The following FLI1 variants were observed in gnomAD, a reference collection of about 807,000 sequenced individuals.
FLI1 encodes Friend leukemia integration 1 transcription factor.
A neutral mutation model predicts 53.1 loss-of-function variants in FLI1; 13 were observed. The ratio of observed to expected loss-of-function variants is 0.24; its 90% confidence interval spans 0.16 to 0.39. The LOEUF (loss-of-function observed/expected upper bound fraction) is 0.39, where lower values mean the gene tolerates loss of function less well. Ranked by LOEUF, FLI1 falls within the 10% of genes least tolerant of loss-of-function variation. The pLI, the probability that FLI1 is intolerant of heterozygous loss-of-function variation, is 1.00. For missense variants in FLI1, 424 were observed against 600.5 expected (o/e 0.71, Z 3.07); for synonymous variants, 244 against 236.7 (o/e 1.03, Z -0.28).
At chr11:128,794,798 A>G (rs1197700587) in intron 5 of FLI1, among the ~76,000 whole-genome samples, 1 of 152,176 alleles carries the variant, frequency 6.6e-6, no homozygotes, top group African/African-American at 2.4e-5. Flanking sequence ...AACATGGGTC[A>G]GGTGTGGTGG....
intron 1 of FLI1, among the ~76,000 whole-genome samples, chr11:128,712,028 G>A (rs756178521): frequency 5.9e-5 from 9 of 152,260 alleles, no homozygotes; most frequent in African/African-American, 2.4e-5. Flanking sequence ...CAGTTTGGTC[G>A]TTTGTCCTCT....
rs1942944780 is a variant in FLI1, at chr11:128,811,841, A to C, written c.*853A>C. 1 of 199,804 alleles carries C rather than the reference A, an allele frequency of 5.0e-6. No individual in the cohort carries two copies. Among genetic ancestry groups the C allele is most frequent in the African/African-American group, 2.3e-5 (1 of 43,340 alleles). The allele number at this position is 199,804 out of a possible 1,614,324, so 12.4% of individuals were successfully genotyped here. On this transcript the variant is annotated 3_prime_UTR_variant, in exon 9 of 9. Coordinates refer to ENST00000527786, the MANE Select transcript of FLI1 (RefSeq NM_002017.5). ...CAGAAGGCAACTTACTGTATAAATT[A>C]TGCAGAGTTATTTTCCTATATCTCA...
At chr11:128,774,509 AGG>A (rs1225852488) in intron 4 of FLI1, among the ~76,000 whole-genome samples, 1 of 152,214 alleles carries the variant, frequency 6.6e-6, no homozygotes, top group Non-Finnish European at 1.5e-5. Context: ...GCAGTGATCT[AGG>A]CAGGCCAGGG....
intron 2 of FLI1, among the ~76,000 whole-genome samples, chr11:128,766,602 C>T (rs1433154854): frequency 6.6e-6 from 1 of 151,908 alleles, no homozygotes. Context: ...TGAATGTGCT[C>T]AGGCCTCCCC....
intron 1 of FLI1, among the ~76,000 whole-genome samples, chr11:128,698,300 G>A (rs1418233430): frequency 6.6e-6 from 1 of 152,186 alleles, no homozygotes; most frequent in African/African-American, 2.4e-5. Flanking sequence ...GGATTCACAA[G>A]AACTCCAGAC....
rs750887538 is a variant in FLI1, at chr11:128,697,957, G to T, written c.18+3681G>T. On this transcript the variant is annotated intron_variant, in intron 1 of 8. Coordinates refer to ENST00000527786, the MANE Select transcript of FLI1 (RefSeq NM_002017.5). ...AGGTTAGGGAATGGAAAGTAATGAC[G>T]CTATATAGCCAGGATGGTGAGGAGA... Among the ~76,000 whole-genome samples the T allele has an allele frequency of 7.9e-5, 12 of 152,160 alleles. No homozygotes were observed. In the South Asian group the frequency reaches 1.4e-3, roughly 18 times the overall value.
Position 128,812,078 on chromosome 11 carries a change from G to A in FLI1, c.*1090G>A, listed in dbSNP as rs1942951865. 4.8e-6 allele frequency: 1 copy of A among 207,846 alleles called. No individual in the cohort carries two copies. Among genetic ancestry groups the A allele is most frequent in the African/African-American group, 2.3e-5 (1 of 43,994 alleles). 12.9% of individuals were successfully genotyped at this position (207,846 alleles called of 1,614,324 possible). On this transcript the variant is annotated 3_prime_UTR_variant, in exon 9 of 9. Coordinates refer to ENST00000527786, the MANE Select transcript of FLI1 (RefSeq NM_002017.5). ...CTATAGCTGAAAAGGAAACAGGGCTGTTTAAGTCACTGACTTATGAGAAAG... is the reference window on the plus strand; with the variant it reads ...CTATAGCTGAAAAGGAAACAGGGCTATTTAAGTCACTGACTTATGAGAAAG...
Position 128,810,955 on chromosome 11 carries a change from C to A in FLI1, c.1326C>A (p.Thr442=), listed in dbSNP as rs763694366. ...CCAACGTCCCCCGCCATCCTAACAC[C>A]CACGTGCCTTCACACTTAGGCAGCT... ...PNPNVPRHPN[T]HVPSHLGSYY Residue 442 remains threonine, a synonymous_variant, in exon 9 of 9, where the codon ACC becomes ACA. Transcript: ENST00000527786. The surrounding 1 kb of genome is among the most constrained non-coding windows in gnomAD (Gnocchi z 6.6). The A allele has an allele frequency of 6.8e-5, 109 of 1,613,916 alleles. No homozygotes were observed. The highest frequency in any genetic ancestry group is 9.1e-5 in the Non-Finnish European group (107 of 1,179,902).
chr11:128,753,528 T>C (rs185220289), intron 1 of FLI1, among the ~76,000 whole-genome samples: 1 of 152,232 alleles, frequency 6.6e-6, no homozygotes, highest in Admixed American at 6.5e-5. Context: ...AGTTAAGTAC[T>C]TATTGATGAT....
chr11:128,765,057 G>A (rs1941281893), intron 2 of FLI1, among the ~76,000 whole-genome samples: 1 of 151,950 alleles, frequency 6.6e-6, no homozygotes, highest in Admixed American at 6.6e-5. Flanking sequence ...GGCCGGGGGA[G>A]GGAGAGAGGA....
At chr11:128,791,848 C>T (rs899107694) in intron 5 of FLI1, among the ~76,000 whole-genome samples, 1 of 152,196 alleles carries the variant, frequency 6.6e-6, no homozygotes, top group Non-Finnish European at 1.5e-5. Context: ...CTTGGCCCAA[C>T]CACCGCAGGA....
chr11:128,794,946 C>T (rs190913350), intron 5 of FLI1, among the ~76,000 whole-genome samples: 98 of 152,194 alleles, frequency 6.4e-4, no homozygotes, highest in Admixed American at 9.8e-4. Flanking sequence ...CATGGTGGCA[C>T]GGGCCTGTGG....
chr11:128,757,044 T>TTTC (rs1555116906), intron 1 of FLI1, among the ~76,000 whole-genome samples: 33 of 107,114 alleles, frequency 3.1e-4, no homozygotes, highest in African/African-American at 4.0e-4. Context: ...CTAGCTAATT[T>TTTC]TTTCTTTCTT....
chr11:128,799,830 T>A (rs866986209), intron 5 of FLI1, among the ~76,000 whole-genome samples: 1 of 152,178 alleles, frequency 6.6e-6, no homozygotes, highest in Non-Finnish European at 1.5e-5. Flanking sequence ...GGAGAGCAGC[T>A]TCTGCAGGTT....
chr11:128,765,137 G>T (rs1213241067), intron 2 of FLI1, among the ~76,000 whole-genome samples: 1 of 152,142 alleles, frequency 6.6e-6, no homozygotes, highest in Non-Finnish European at 1.5e-5. Flanking sequence ...GGAATGAGTG[G>T]CAGCGGCCAC....
intron 2 of FLI1, among the ~76,000 whole-genome samples, chr11:128,759,777 CT>C (rs1463413263): frequency 1.3e-5 from 2 of 152,166 alleles, no homozygotes; most frequent in African/African-American, 2.4e-5. Context: ...GTCTACTAGG[CT>C]TTGGGAACTG....
chr11:128,731,844 A>C (rs1408152956), intron 1 of FLI1, among the ~76,000 whole-genome samples: 1 of 152,110 alleles, frequency 6.6e-6, no homozygotes, highest in Non-Finnish European at 1.5e-5. Context: ...CTCTAATAAA[A>C]ATACAAAAAT....
chr11:128,777,926 C>T (rs1222483568), intron 4 of FLI1, among the ~76,000 whole-genome samples: 1 of 152,182 alleles, frequency 6.6e-6, no homozygotes, highest in African/African-American at 2.4e-5. Flanking sequence ...GGGGTTCTAC[C>T]CCACACCTGC....
chr11:128,765,789 T>C (rs1478305330), intron 2 of FLI1, among the ~76,000 whole-genome samples: 1 of 152,012 alleles, frequency 6.6e-6, no homozygotes, highest in African/African-American at 2.4e-5. Context: ...TATGCACGCG[T>C]GTGTGTAATG....
Sources: gnomAD v4.1 joint callset for allele counts (sites outside exome capture counted in the v4.1 genomes callset) on GRCh38, gnomAD v4.1.1 for gene constraint, Gnocchi (gnomAD v3.1) non-coding constraint, MANE v1.5 for transcripts, NCBI Gene and HGNC (gene_info 2026-07-23, HGNC 2026-07-21) for gene names.